NXPE4: variants seen among roughly 807,000 people sequenced by gnomAD.
NXPE4 encodes NXPE family member 4.
NXPE4 carries 42 observed loss-of-function variants against 33.3 expected under a neutral mutation model. That is an observed-to-expected ratio of 1.26 (90% CI 0.98 to 1.63). NXPE4 has a LOEUF of 1.63. NXPE4 is among the 40% of genes most tolerant of loss of function. NXPE4 has a pLI of 0.00. For missense variants in NXPE4, 709 were observed against 647.6 expected (o/e 1.09, Z -1.03); for synonymous variants, 253 against 234.9 (o/e 1.08, Z -0.71).
At chr11:114,581,634 G>A (rs1949148154) in intron 4 of NXPE4, 91 bp downstream of exon 4, 5 of 1,026,718 alleles carry the variant, frequency 4.9e-6, no homozygotes, top group Admixed American at 2.0e-5. Flanking sequence ...GTGCTGATAG[G>A]ACTGAAACAG....
chr11:114,634,487 T>G, the NXPE4 span, among the ~76,000 whole-genome samples: 1 of 152,092 alleles, frequency 6.6e-6, no homozygotes, highest in East Asian at 1.9e-4. Flanking sequence ...ACTTGTCAAT[T>G]TTGGCTTTTG....
At chr11:114,647,438 T>C in the NXPE4 span, among the ~76,000 whole-genome samples, 3 of 152,188 alleles carry the variant, frequency 2.0e-5, 1 homozygote, top group Non-Finnish European at 4.4e-5. Flanking sequence ...TCTAAATCTA[T>C]CTAGTGCTTA....
the NXPE4 span, among the ~76,000 whole-genome samples, chr11:114,624,991 G>C: frequency 6.6e-6 from 1 of 151,802 alleles, no homozygotes; most frequent in African/African-American, 2.4e-5. Flanking sequence ...GTTGCCTCGT[G>C]AGTAACCACT....
At chr11:114,630,643 C>T in the NXPE4 span, among the ~76,000 whole-genome samples, 191 of 151,122 alleles carry the variant, frequency 1.3e-3, 3 homozygotes, top group African/African-American at 4.4e-3. Context: ...ACACCAAAAG[C>T]AATGGCAACA....
At chr11:114,668,407 AC>A in the NXPE4 span, among the ~76,000 whole-genome samples, 4 of 151,918 alleles carry the variant, frequency 2.6e-5, no homozygotes, top group Non-Finnish European at 1.5e-5. Context: ...GTTTTAAATT[AC>A]TAAGTTACAC....
the NXPE4 span, among the ~76,000 whole-genome samples, chr11:114,607,583 G>GC: frequency 1.7e-4 from 26 of 152,008 alleles, no homozygotes; most frequent in African/African-American, 5.3e-4. Context: ...TTACCCAGTG[G>GC]ATAATAAGTC....
At chr11:114,588,030 AC>A (rs1949348636) in intron 2 of NXPE4, among the ~76,000 whole-genome samples, 1 of 152,200 alleles carries the variant, frequency 6.6e-6, no homozygotes, top group South Asian at 2.1e-4. Flanking sequence ...CTGTGAGACA[AC>A]CCAGAACTTT....
At chr11:114,620,688 ACT>A in the NXPE4 span, among the ~76,000 whole-genome samples, 1 of 150,386 alleles carries the variant, frequency 6.6e-6, no homozygotes, top group Non-Finnish European at 1.5e-5. Flanking sequence ...CCAGGTAACC[ACT>A]GTTACCTGGT....
chr11:114,649,870 G>A, the NXPE4 span, among the ~76,000 whole-genome samples: 3 of 152,302 alleles, frequency 2.0e-5, no homozygotes, highest in Non-Finnish European at 4.4e-5. Flanking sequence ...CAGTTACAAT[G>A]TTTTACTAAG....
the NXPE4 span, among the ~76,000 whole-genome samples, chr11:114,651,475 A>T: frequency 6.6e-6 from 1 of 152,228 alleles, no homozygotes; most frequent in Non-Finnish European, 1.5e-5. Context: ...AGTAAGCAGC[A>T]GCAAGATTTA....
At chr11:114,624,668 T>A in the NXPE4 span, among the ~76,000 whole-genome samples, 2 of 152,116 alleles carry the variant, frequency 1.3e-5, no homozygotes, top group South Asian at 2.1e-4. Flanking sequence ...TAACCATGGT[T>A]ACCTGGTGGA....
the NXPE4 span, among the ~76,000 whole-genome samples, chr11:114,648,573 T>C: frequency 6.6e-6 from 1 of 152,216 alleles, no homozygotes; most frequent in Non-Finnish European, 1.5e-5. Flanking sequence ...TTATCAAATA[T>C]GTATACCTCA....
chr11:114,643,405 C>A, the NXPE4 span, among the ~76,000 whole-genome samples: 1 of 152,006 alleles, frequency 6.6e-6, no homozygotes, highest in Non-Finnish European at 1.5e-5. Context: ...ACATTTAAGT[C>A]TTTAATTCAT....
chr11:114,597,802 G>T (rs61904902), upstream of NXPE4, among the ~76,000 whole-genome samples: 1 of 152,126 alleles, frequency 6.6e-6, no homozygotes. Flanking sequence ...GATGACCAAA[G>T]TTGCAACAAT....
intron 2 of NXPE4, among the ~76,000 whole-genome samples, chr11:114,585,767 T>G (rs935621606): frequency 2.6e-5 from 4 of 152,160 alleles, no homozygotes; most frequent in Non-Finnish European, 4.4e-5. Context: ...ATCATTTCTT[T>G]TCTAACAAAG....
At chr11:114,675,257 G>A in the NXPE4 span, among the ~76,000 whole-genome samples, 9 of 151,806 alleles carry the variant, frequency 5.9e-5, no homozygotes, top group East Asian at 3.9e-4. Flanking sequence ...AGGAATAAGA[G>A]GATACCCACT....
At chr11:114,603,765 C>T in the NXPE4 span, among the ~76,000 whole-genome samples, 161 of 151,772 alleles carry the variant, frequency 1.1e-3, no homozygotes, top group African/African-American at 3.7e-3. Flanking sequence ...TCCTCGTCTC[C>T]TAGGTAACTA....
chr11:114,677,491 AAG>A, the NXPE4 span, among the ~76,000 whole-genome samples: 1 of 152,116 alleles, frequency 6.6e-6, no homozygotes, highest in Non-Finnish European at 1.5e-5. Context: ...GGCAGAGGAG[AAG>A]AACATGTCTT....
the NXPE4 span, among the ~76,000 whole-genome samples, chr11:114,622,550 G>T: frequency 1.4e-5 from 2 of 144,046 alleles, no homozygotes; most frequent in South Asian, 4.4e-4. Context: ...GTGGATAATA[G>T]GTATTGCCTC....
Sources: allele counts gnomAD v4.1 joint callset (sites outside exome capture counted in the v4.1 genomes callset), GRCh38; gene constraint gnomAD v4.1.1; transcripts MANE v1.5; gene names NCBI Gene and HGNC (gene_info 2026-07-23, HGNC 2026-07-21).